Variants in TBC1D31 observed in about 807,000 individuals in gnomAD.
The protein encoded by TBC1D31 is TBC1 domain family member 31.
A neutral mutation model predicts 132.9 loss-of-function variants in TBC1D31; 99 were observed. That is an observed-to-expected ratio of 0.74 (90% CI 0.63 to 0.88). TBC1D31 has a LOEUF of 0.88. TBC1D31 is among the 40% of genes least tolerant of loss of function. The pLI is 0.00. For missense variants in TBC1D31, 1,134 were observed against 1,256.6 expected, an observed-to-expected ratio of 0.90 and a Z score of 1.48; for synonymous variants, 385 against 419.4, an observed-to-expected ratio of 0.92 and a Z score of 1.00.
intron 5 of TBC1D31, among the ~76,000 whole-genome samples, chr8:123,094,057 C>T (rs1004635326): frequency 6.6e-6 from 1 of 151,772 alleles, no homozygotes; most frequent in African/African-American, 2.4e-5. Flanking sequence ...CAACGAATGG[C>T]CATTTCTTTT....
chr8:123,078,310 T>C (rs985810800), intron 2 of TBC1D31, among the ~76,000 whole-genome samples: 2 of 152,092 alleles, frequency 1.3e-5, no homozygotes, highest in African/African-American at 4.8e-5. Flanking sequence ...AGTTTCTCAC[T>C]CTTAGAAAAG....
intron 15 of TBC1D31, 70 bp from the exon 16 acceptor site, chr8:123,130,128 C>T: frequency 6.8e-7 from 1 of 1,474,106 alleles, no homozygotes; most frequent in Non-Finnish European, 9.2e-7. Flanking sequence ...CATGGCAGAC[C>T]TGTTATGAAA....
At chr8:123,147,120 C>A (rs946990796) in intron 20 of TBC1D31, among the ~76,000 whole-genome samples, 2 of 151,952 alleles carry the variant, frequency 1.3e-5, no homozygotes, top group Admixed American at 6.6e-5. Context: ...AGATACTAAT[C>A]ATGGGAGCTG....
chr8:123,135,472 G>A (rs545467783), intron 17 of TBC1D31, among the ~76,000 whole-genome samples: 2 of 152,232 alleles, frequency 1.3e-5, no homozygotes, highest in South Asian at 2.1e-4. Context: ...GTGGTAGTGC[G>A]CACCTGTGGT....
chr8:123,144,969 G>A, intron 20 of TBC1D31, 114 bp downstream of exon 20: 1 of 1,001,666 alleles, frequency 1.0e-6, no homozygotes, highest in South Asian at 1.8e-5. Context: ...TGTCACCCAA[G>A]CTGGAGTGTA....
chr8:123,099,418 C>G (rs927324814), intron 6 of TBC1D31, among the ~76,000 whole-genome samples: 1 of 152,140 alleles, frequency 6.6e-6, no homozygotes, highest in African/African-American at 2.4e-5. Context: ...CCATGCCCAG[C>G]CTTTATTACA....
intron 17 of TBC1D31, among the ~76,000 whole-genome samples, chr8:123,140,125 C>T (rs1179203063): frequency 3.3e-5 from 5 of 152,176 alleles, no homozygotes; most frequent in South Asian, 2.1e-4. Context: ...TTTGGGAGGC[C>T]GAGGCAGGCC....
chr8:123,074,724 C>T lies in TBC1D31; in HGVS notation c.77+1878C>T, dbSNP rs1814315088. Reference sequence around the variant, plus strand: ...AAACCCATTGTTCATGCTGTTTAGACGGGCAGAGAGCACTGACTTGGAGTC... The same window carrying T: ...AAACCCATTGTTCATGCTGTTTAGATGGGCAGAGAGCACTGACTTGGAGTC... On this transcript the variant is annotated intron_variant, in intron 1 of 21. Transcript: ENST00000287380. 2.0e-5 allele frequency among the ~76,000 whole-genome samples: 3 copies of T among 152,148 alleles called. No individual in the cohort carries two copies. The South Asian group carries it at 6.2e-4, about 32-fold the overall frequency.
intron 4 of TBC1D31, 146 bp from the exon 5 acceptor site, chr8:123,093,445 A>G: frequency 2.1e-6 from 1 of 477,002 alleles, no homozygotes; most frequent in Non-Finnish European, 3.5e-6. Flanking sequence ...AATCAGTATT[A>G]CTCCTTGTCA....
At chr8:123,084,774 CT>C (rs11322501) in intron 4 of TBC1D31, among the ~76,000 whole-genome samples, 48,344 of 147,390 alleles carry the variant, frequency 0.33, 7,824 homozygotes, top group African/African-American at 0.4. Context: ...ATCCATCTTT[CT>C]TTTTTTTTTT....
At chr8:123,140,929 T>TCCATATA in intron 18 of TBC1D31, 28 bp downstream of exon 18, 1 of 1,599,814 alleles carries the variant, frequency 6.3e-7, no homozygotes, top group Non-Finnish European at 8.5e-7. Flanking sequence ...TTAGTATACA[T>TCCATATA]GCAGAGGAGA....
intron 20 of TBC1D31, among the ~76,000 whole-genome samples, 173 bp downstream of exon 20, chr8:123,145,028 G>T (rs1160466248): frequency 6.6e-6 from 1 of 151,664 alleles, no homozygotes; most frequent in Non-Finnish European, 1.5e-5. Flanking sequence ...AGCTCAAGCA[G>T]TTCTCCCATC....
intron 3 of TBC1D31, 96 bp from the exon 4 acceptor site, chr8:123,084,066 C>T: frequency 9.7e-7 from 1 of 1,034,552 alleles, no homozygotes; most frequent in African/African-American, 1.6e-5. Flanking sequence ...AATACCTAAC[C>T]ACCCATTGCA....
At chr8:123,131,486 C>T (rs1467956358) in intron 16 of TBC1D31, among the ~76,000 whole-genome samples, 1 of 150,356 alleles carries the variant, frequency 6.7e-6, no homozygotes, top group African/African-American at 2.5e-5. Context: ...TCTCATTATA[C>T]ATTGTTTTTG....
At chr8:123,102,969 G>A (rs1261358167) in intron 7 of TBC1D31, 1 of 152,240 alleles carries the variant, frequency 6.6e-6, no homozygotes, top group Non-Finnish European at 1.5e-5. Context: ...TCAGGAATGA[G>A]TTATAGTGCT....
intron 4 of TBC1D31, among the ~76,000 whole-genome samples, chr8:123,089,170 A>G (rs1241272974): frequency 6.6e-6 from 1 of 152,212 alleles, no homozygotes; most frequent in Non-Finnish European, 1.5e-5. Context: ...TTTTCGGATC[A>G]GGGATACTCA....
chr8:123,163,720 G>T, the TBC1D31 span, among the ~76,000 whole-genome samples: 9 of 152,048 alleles, frequency 5.9e-5, no homozygotes, highest in African/African-American at 2.2e-4. Context: ...GGGTACAGGT[G>T]GTTTTTGGTT....
intron 11 of TBC1D31, among the ~76,000 whole-genome samples, chr8:123,121,486 G>A (rs532069701): frequency 2.6e-5 from 4 of 152,166 alleles, no homozygotes; most frequent in East Asian, 1.9e-4. Flanking sequence ...GACCATGAGG[G>A]TGAATCATTC....
At chr8:123,122,003 A>G (rs1322195517) in intron 11 of TBC1D31, among the ~76,000 whole-genome samples, 1 of 152,244 alleles carries the variant, frequency 6.6e-6, no homozygotes, top group African/African-American at 2.4e-5. Flanking sequence ...ATGCCACTTC[A>G]TACCTACTAG....
Sources: gnomAD v4.1 joint callset for allele counts (sites outside exome capture counted in the v4.1 genomes callset) on GRCh38, gnomAD v4.1.1 for gene constraint, MANE v1.5 for transcripts, NCBI Gene and HGNC (gene_info 2026-07-23, HGNC 2026-07-21) for gene names.